Variants in MIOS observed in about 807,000 individuals in gnomAD.
The protein encoded by MIOS is GATOR2 complex protein MIOS.
MIOS carries 52 observed loss-of-function variants against 96.9 expected under a neutral mutation model. The ratio of observed to expected loss-of-function variants is 0.54; its 90% CI spans 0.43 to 0.68. The LOEUF (loss-of-function observed/expected upper bound fraction) is 0.68, where lower values mean the gene tolerates loss of function less well. Among genes scored for constraint, MIOS ranks in the 30% least tolerant of loss-of-function variants. The pLI is 0.00. For missense variants in MIOS, 1,005 were observed against 1,052.8 expected, an observed-to-expected ratio of 0.95 and a Z score of 0.63; for synonymous variants, 397 against 359.5, an observed-to-expected ratio of 1.10 and a Z score of -1.18.
rs185935207 is a variant in MIOS at position 7,606,112 on chromosome 7, G to A, written c.2531+41G>A. ...CTTCTTTGATAGGCTTGGAGTTATG[G>A]GGGATAACACAGATTGCTTCTAAAT... On this transcript the variant is annotated intron_variant, in intron 12 of 12. Transcript: ENST00000340080. 22 of 1,609,116 alleles carry A rather than the reference G, an allele frequency of 1.4e-5. No individual in the cohort carries two copies. The East Asian group carries it at 4.5e-4, about 33-fold the overall frequency.
chr7:7,580,017 G>A (rs554475191), intron 5 of MIOS, among the ~76,000 whole-genome samples: 16 of 152,224 alleles, frequency 1.1e-4, no homozygotes, highest in African/African-American at 3.6e-4. Context: ...GGAACCATTT[G>A]AAAAATAAAT....
In MIOS at chr7:7,571,800, G is replaced by A. The variant is rs1186450505; in HGVS notation, c.-40-636G>A. Among the ~76,000 whole-genome samples, 3 of 152,192 alleles carry A rather than the reference G, an allele frequency of 2.0e-5. No individual in the cohort carries two copies. In the East Asian group the frequency reaches 5.8e-4, roughly 29 times the overall value. On this transcript the variant is annotated intron_variant, in intron 3 of 12. Transcript: ENST00000340080. ...GTTTATTCTGCCATACAAGGCTGAT[G>A]CTTATTACTAAAGTTGAAGAAACCG...
At chr7:7,582,408 AG>A (rs1162820709) in intron 5 of MIOS, among the ~76,000 whole-genome samples, 2 of 152,198 alleles carry the variant, frequency 1.3e-5, no homozygotes, top group Non-Finnish European at 2.9e-5. Context: ...TATCATCCTA[AG>A]TGAAATTACC....
At chr7:7,582,348 A>G (rs553399907) in intron 5 of MIOS, among the ~76,000 whole-genome samples, 44 of 152,330 alleles carry the variant, frequency 2.9e-4, no homozygotes, top group African/African-American at 1.0e-3. Context: ...ATTTGTTATT[A>G]TAGTTCTTAA....
intron 5 of MIOS, among the ~76,000 whole-genome samples, chr7:7,575,173 T>C (rs541111256): frequency 1.3e-5 from 2 of 152,274 alleles, no homozygotes; most frequent in South Asian, 4.1e-4. Context: ...GTTAACATTA[T>C]TTAGTCAAAG....
At position 7,583,492 on chromosome 7, in the gene MIOS, T is replaced by C. The variant is rs1256120323; in HGVS notation, c.1648+120T>C. On this transcript the variant is annotated intron_variant, in intron 6 of 12. Coordinates refer to ENST00000340080, the MANE Select transcript of MIOS (RefSeq NM_019005.4). ...CTAATCACTTAAAATTTTAATTTAATTTTTGTTGGAGGAGAAAACACAGCA... is the reference window on the plus strand; with the variant it reads ...CTAATCACTTAAAATTTTAATTTAACTTTTGTTGGAGGAGAAAACACAGCA... 2.9e-5 allele frequency: 34 copies of C among 1,166,044 alleles called. No individual in the cohort carries two copies. In the East Asian group the frequency reaches 8.5e-4, roughly 29 times the overall value. 72.2% of individuals were successfully genotyped at this position (1,166,044 alleles called of 1,614,324 possible). A position where few individuals can be genotyped will look rare whatever the true frequency, so the allele number is the denominator to read the frequency against.
chr7:7,606,278 A>G (rs143864701), intron 12 of MIOS, among the ~76,000 whole-genome samples: 3,280 of 152,314 alleles, frequency 0.022, 47 homozygotes, highest in African/African-American at 0.04. Context: ...CTTATGTAAG[A>G]ACTAATTTAA....
chr7:7,574,233 A>G, intron 5 of MIOS, 37 bp downstream of exon 5: 2 of 1,484,496 alleles, frequency 1.3e-6, no homozygotes, highest in Non-Finnish European at 1.9e-6. Flanking sequence ...CAATATGTTT[A>G]TAACTTTTGT....
intron 5 of MIOS, 109 bp from the exon 6 acceptor site, chr7:7,583,009 G>A: frequency 1.7e-6 from 2 of 1,204,708 alleles, no homozygotes; most frequent in Non-Finnish European, 2.3e-6. Context: ...TAAAATTATG[G>A]CCGAGAAGTT....
In MIOS at chr7:7,589,574, T is replaced by C. The variant is rs768006409; in HGVS notation, c.2043+11T>C. ...TACTGTATGTTACAGGTCAGTGCAG[T>C]TTGACAGCAGCTTTTAAAAAAGTAA... On this transcript the variant is annotated intron_variant, in intron 9 of 12. Transcript: ENST00000340080. 1.3e-6 allele frequency: 2 copies of C among 1,566,754 alleles called. No individual in the cohort carries two copies. Among genetic ancestry groups the C allele is most frequent in the Admixed American group, 3.7e-5 (2 of 54,328 alleles).
intron 3 of MIOS, among the ~76,000 whole-genome samples, chr7:7,569,388 G>C (rs1054171552): frequency 2.0e-5 from 3 of 152,100 alleles, no homozygotes; most frequent in African/African-American, 7.2e-5. Flanking sequence ...CTAGAACATA[G>C]AAGGTGCCCA....
At chr7:7,600,125 T>C (rs999332796) in intron 11 of MIOS, among the ~76,000 whole-genome samples, 1 of 152,014 alleles carries the variant, frequency 6.6e-6, no homozygotes, top group Non-Finnish European at 1.5e-5. Flanking sequence ...ACACGCAATT[T>C]ACCTGTATAA....
intron 11 of MIOS, among the ~76,000 whole-genome samples, chr7:7,597,499 T>TAA (rs1784245249): frequency 1.4e-5 from 1 of 69,982 alleles, no homozygotes; most frequent in Non-Finnish European, 2.9e-5. Context: ...TATATATATA[T>TAA]ATATATATAT....
In MIOS at chr7:7,607,370, G is replaced by C. The variant is rs1784561777; in HGVS notation, c.*278G>C. On this transcript the variant is annotated 3_prime_UTR_variant, in exon 13 of 13. Transcript: ENST00000340080. The stretch of plus-strand genomic sequence containing the variant: ...CTTTCTAAGTTTTGGTTGAAATTAT[G>C]AACACTCTAGAAGCAGAATTTCTGG... The C allele has an allele frequency of 4.2e-6, 1 of 239,400 alleles. No homozygotes were observed. Among genetic ancestry groups the C allele is most frequent in the Non-Finnish European group, 8.0e-6 (1 of 125,136 alleles). 14.8% of individuals were successfully genotyped at this position (239,400 alleles called of 1,614,324 possible). A position where few individuals can be genotyped will look rare whatever the true frequency, so the allele number is the denominator to read the frequency against.
intron 11 of MIOS, chr7:7,605,262 G>A (rs1784493679): frequency 6.6e-6 from 1 of 151,786 alleles, no homozygotes; most frequent in African/African-American, 2.4e-5. Flanking sequence ...CTTTGAAAGG[G>A]CTTGTACAGA....
intron 5 of MIOS, among the ~76,000 whole-genome samples, chr7:7,579,163 C>T (rs751117925): frequency 5.3e-5 from 8 of 152,042 alleles, no homozygotes; most frequent in Non-Finnish European, 1.0e-4. Flanking sequence ...TATTTTACTT[C>T]GTTTTCAGAG....
At position 7,583,260 on chromosome 7, in the gene MIOS, G is replaced by C. The variant is rs754187024; in HGVS notation, c.1536G>C (p.Leu512Phe). Residue 512 changes from leucine (L) to phenylalanine (F), a missense_variant, in exon 6 of 13, where the codon TTG becomes TTC. Leu to Phe is a conservative substitution (Grantham distance 22). Coordinates refer to ENST00000340080, the MANE Select transcript of MIOS (RefSeq NM_019005.4). The stretch of plus-strand genomic sequence containing the variant: ...CGGATGTAGACGTGGGGCCATTTTT[G>C]AACTCCCTTGTACAAGAAGGGGAAT... ...KGTDVDVGPF[L>F]NSLVQEGEWE... is the part of the protein sequence containing the mutation. The C allele has an allele frequency of 6.2e-7, 1 of 1,614,102 alleles. No individual in the cohort carries two copies. Among genetic ancestry groups the C allele is most frequent in the Non-Finnish European group, 8.5e-7 (1 of 1,179,990 alleles).
At chr7:7,606,924 A>AAAATAAAT in intron 12 of MIOS, 72 bp from the exon 13 acceptor site, 1 of 1,229,000 alleles carries the variant, frequency 8.1e-7, no homozygotes, top group Non-Finnish European at 1.2e-6. Flanking sequence ...TGTCTCTTAA[A>AAAATAAAT]AAATAAATAA....
chr7:7,573,760 A>G lies in MIOS; in HGVS notation c.1285A>G (p.Thr429Ala). The change falls in exon 4 of 13, where the codon ACT becomes GCT. Residue 429 changes from threonine to alanine, a missense_variant. Thr to Ala is a moderately conservative substitution (Grantham distance 58). Coordinates refer to ENST00000340080, the MANE Select transcript of MIOS (RefSeq NM_019005.4). This position sits in a 1 kb window ranked among gnomAD's most constrained non-coding sequence, Gnocchi z 5.0. ...EDPQLKSLWY[T>A]LHFMKQYTED... The stretch of plus-strand genomic sequence containing the variant: ...TCCACAGCTCAAGTCACTCTGGTAT[A>G]CTCTGCACTATATCCTTTTCATTGT... 4 of 1,589,272 alleles carry G rather than the reference A, an allele frequency of 2.5e-6. No homozygotes were observed. The highest frequency in any genetic ancestry group is 8.6e-7 in the Non-Finnish European group (1 of 1,168,528).
Sources: allele counts gnomAD v4.1 joint callset (sites outside exome capture counted in the v4.1 genomes callset), GRCh38; gene constraint gnomAD v4.1.1; non-coding constraint Gnocchi (gnomAD v3.1); transcripts MANE v1.5; gene names NCBI Gene and HGNC (gene_info 2026-07-23, HGNC 2026-07-21).